GALNS: variants seen among roughly 807,000 people sequenced by gnomAD.
GALNS encodes the protein N-acetylgalactosamine-6-sulfatase.
A neutral mutation model predicts 65.9 loss-of-function variants in GALNS; 65 were observed. That is an observed-to-expected ratio of 0.99 (90% CI 0.81 to 1.21). The LOEUF (loss-of-function observed/expected upper bound fraction) is 1.21. Among genes scored for constraint, GALNS ranks in the 50% most tolerant of loss-of-function variants. The pLI, the probability that GALNS is intolerant of heterozygous loss-of-function variation, is 0.00. For missense variants in GALNS, 776 were observed against 700.7 expected (o/e 1.11, Z -1.21); for synonymous variants, 346 against 288.9 (o/e 1.20, Z -2.00).
At chr16:88,835,083 C>T (rs1224199559) in intron 8 of GALNS, 130 bp downstream of exon 8, 3 of 1,203,076 alleles carry the variant, frequency 2.5e-6, no homozygotes, top group South Asian at 1.4e-5. Flanking sequence ...GACATCTGCT[C>T]CTCCCGCTGG....
rs1205870339 is a variant in GALNS, at chr16:88,856,947, T to G, written c.-70A>C. 2.8e-6 allele frequency: 4 copies of G among 1,445,892 alleles called. No homozygotes were observed. Among genetic ancestry groups the G allele is most frequent in the Non-Finnish European group, 2.7e-6 (3 of 1,109,652 alleles). The allele number at this position is 1,445,892 out of a possible 1,614,324, so 89.6% of individuals were successfully genotyped here. Reference sequence around the variant, plus strand: ...GCGAGCGTCCGCCGGCCCTTCCGGCTGGGCTGCGGGGCGGGGCCTGGACGG... The same window carrying G: ...GCGAGCGTCCGCCGGCCCTTCCGGCGGGGCTGCGGGGCGGGGCCTGGACGG... On this transcript the variant is annotated 5_prime_UTR_variant, in exon 1 of 14. Coordinates refer to ENST00000268695, the MANE Select transcript of GALNS (RefSeq NM_000512.5).
Position 88,814,522 on chromosome 16 carries a change from A to G in GALNS, c.1486T>C (p.Trp496Arg). ...LNVCNWAVMN[W>R]APPGCEKLGK... ...AACTTTTCACAGCCCGGAGGTGCCC[A>G]GTTCTGGGAAATGAAAATTGAGAAA... The change falls in exon 14 of 14, where the codon TGG (tryptophan) becomes CGG (arginine). Residue 496 changes from tryptophan to arginine, a missense_variant. Coordinates refer to ENST00000268695, the MANE Select transcript of GALNS (RefSeq NM_000512.5). 1 of 1,555,230 alleles carries G rather than the reference A, an allele frequency of 6.4e-7. No individual in the cohort carries two copies. Among genetic ancestry groups the G allele is most frequent in the Non-Finnish European group, 8.7e-7 (1 of 1,148,890 alleles).
chr16:88,829,749 T>C (rs1911290013), intron 9 of GALNS, among the ~76,000 whole-genome samples: 1 of 152,182 alleles, frequency 6.6e-6, no homozygotes, highest in South Asian at 2.1e-4. Context: ...AGTTTCCTGA[T>C]GTGTAGAATG....
intron 3 of GALNS, 49 bp from the exon 4 acceptor site, chr16:88,841,143 C>T (rs1176741667): frequency 1.3e-5 from 19 of 1,413,226 alleles, no homozygotes; most frequent in Non-Finnish European, 1.9e-5. Flanking sequence ...GAGAAGCTGC[C>T]ACCAACCCCA....
At chr16:88,829,237 G>T (rs1466334685) in intron 9 of GALNS, among the ~76,000 whole-genome samples, 1 of 151,630 alleles carries the variant, frequency 6.6e-6, no homozygotes, top group East Asian at 1.9e-4. Flanking sequence ...GCCACTCCCT[G>T]CAGGTGCCCC....
intron 1 of GALNS, chr16:88,855,142 A>G (rs1967734132): frequency 5.1e-6 from 3 of 589,814 alleles, no homozygotes; most frequent in African/African-American, 1.9e-5. Context: ...GACTAACTTT[A>G]TATTTTATTT....
chr16:88,839,639 C>T (rs1035645746), intron 4 of GALNS, among the ~76,000 whole-genome samples: 1 of 152,200 alleles, frequency 6.6e-6, no homozygotes, highest in African/African-American at 2.4e-5. Flanking sequence ...GGATAGGGAC[C>T]CCCCCACCTG....
chr16:88,816,351 T>G, intron 13 of GALNS: 1 of 985,382 alleles, frequency 1.0e-6, no homozygotes, highest in Non-Finnish European at 1.2e-6. Flanking sequence ...AGGCCAGGGC[T>G]CCTCCACGGC....
At chr16:88,833,380 T>A (rs1911719060) in intron 8 of GALNS, among the ~76,000 whole-genome samples, 1 of 151,692 alleles carries the variant, frequency 6.6e-6, no homozygotes, top group Non-Finnish European at 1.5e-5. Context: ...TAGGGGACAC[T>A]CAGGCTCACA....
intron 13 of GALNS, chr16:88,815,729 G>A: frequency 1.0e-6 from 1 of 985,440 alleles, no homozygotes; most frequent in South Asian, 4.7e-5. Context: ...TCCAGCCCTA[G>A]GCGGCAGCAG....
chr16:88,816,660 G>A (rs1467354077), intron 13 of GALNS: 5 of 985,282 alleles, frequency 5.1e-6, no homozygotes, highest in South Asian at 9.4e-5. Context: ...GATGGCCGGT[G>A]CTCTCCTGTT....
Position 88,824,748 on chromosome 16 carries a change from C to CA in GALNS, c.1242+18dup. The CA allele has an allele frequency of 6.2e-7, 1 of 1,607,140 alleles. No individual in the cohort carries two copies. Among genetic ancestry groups the CA allele is most frequent in the Non-Finnish European group, 8.5e-7 (1 of 1,174,716 alleles). ...AGATGGGGGCAGCTCCGCCTGCGCC[C>CA]ACGTCCCGAGCCCTGTACCTGTCTG... On this transcript the variant is annotated intron_variant, in intron 11 of 13. Coordinates refer to ENST00000268695, the MANE Select transcript of GALNS (RefSeq NM_000512.5).
rs1910371462 is a variant in GALNS, at chr16:88,822,746, CCT to C, written c.1243-38_1243-37del. On this transcript the variant is annotated intron_variant, in intron 11 of 13. Coordinates refer to ENST00000268695, the MANE Select transcript of GALNS (RefSeq NM_000512.5). ...AAGAGGGAAGGTGTGTCCTGGAGCC[CCT>C]GACCTGCGGCCGTGAGGGGCCTCGT... 2.5e-6 allele frequency: 4 copies of C among 1,606,572 alleles called. No homozygotes were observed. In the East Asian group the frequency reaches 9.0e-5, roughly 36 times the overall value.
At chr16:88,849,139 G>A (rs879080018) in intron 1 of GALNS, among the ~76,000 whole-genome samples, 3 of 152,238 alleles carry the variant, frequency 2.0e-5, no homozygotes, top group African/African-American at 7.2e-5. Flanking sequence ...TTTTGAGACA[G>A]GGTCTCACTC....
At chr16:88,825,826 G>A (rs1910834109) in intron 10 of GALNS, among the ~76,000 whole-genome samples, 1 of 152,150 alleles carries the variant, frequency 6.6e-6, no homozygotes, top group South Asian at 2.1e-4. Flanking sequence ...CAGGTCTCGA[G>A]AGGGGACAAG....
chr16:88,847,910 G>A (rs578130863), intron 1 of GALNS, among the ~76,000 whole-genome samples: 3 of 152,304 alleles, frequency 2.0e-5, no homozygotes, highest in South Asian at 2.1e-4. Context: ...CACCCACAGC[G>A]GCTCGCTCCC....
In GALNS at chr16:88,813,860, C is replaced by T. The variant is rs976184487; in HGVS notation, c.*579G>A. 7 of 161,416 alleles carry T rather than the reference C, an allele frequency of 4.3e-5. No individual in the cohort carries two copies. The highest frequency in any genetic ancestry group is 2.9e-4 in the Admixed American group (5 of 17,374). The allele number at this position is 161,416 out of a possible 1,614,324, so 10.0% of individuals were successfully genotyped here. On this transcript the variant is annotated 3_prime_UTR_variant, in exon 14 of 14. Coordinates refer to ENST00000268695, the MANE Select transcript of GALNS (RefSeq NM_000512.5). Reference sequence around the variant, plus strand: ...AAATTCCTTGTGGACAAAGGACAGACGGAACTGGAAGTCATCCCTCTGGGG... The same window carrying T: ...AAATTCCTTGTGGACAAAGGACAGATGGAACTGGAAGTCATCCCTCTGGGG...
chr16:88,842,948 T>G, intron 1 of GALNS, 119 bp from the exon 2 acceptor site: 5 of 1,536,390 alleles, frequency 3.3e-6, no homozygotes, highest in Non-Finnish European at 4.4e-6. Context: ...CCACCCTGTG[T>G]CCCAGCCAGC....
chr16:88,826,622 CT>C, intron 10 of GALNS, 79 bp downstream of exon 10: 1 of 1,528,082 alleles, frequency 6.5e-7, no homozygotes, highest in Non-Finnish European at 9.0e-7. Context: ...GCTGCTGGGC[CT>C]GGGGGTTGCA....
Sources: gnomAD v4.1 joint callset for allele counts (sites outside exome capture counted in the v4.1 genomes callset) on GRCh38, gnomAD v4.1.1 for gene constraint, MANE v1.5 for transcripts, NCBI Gene and HGNC (gene_info 2026-07-23, HGNC 2026-07-21) for gene names.